MMS22L: variants seen among roughly 807,000 people sequenced by gnomAD.
MMS22L encodes protein MMS22-like.
Under a neutral mutation model 159.1 loss-of-function variants are expected in MMS22L, and 74 were observed. The ratio of observed to expected loss-of-function variants is 0.47; its 90% CI spans 0.39 to 0.56. MMS22L has a LOEUF of 0.56. Ranked by LOEUF, MMS22L falls within the 20% of genes least tolerant of loss-of-function variation. MMS22L has a pLI of 0.00. For missense variants in MMS22L, 1,351 were observed against 1,422.1 expected (o/e 0.95, Z 0.80); for synonymous variants, 517 against 506.9 (o/e 1.02, Z -0.27).
intron 21 of MMS22L, among the ~76,000 whole-genome samples, chr6:97,163,927 G>A (rs1403321688): frequency 6.6e-6 from 1 of 151,948 alleles, no homozygotes. Context: ...ATTTGGAAAC[G>A]GTAAGTGATG....
intron 17 of MMS22L, among the ~76,000 whole-genome samples, chr6:97,178,831 A>G (rs2128268051): frequency 6.6e-6 from 1 of 152,242 alleles, no homozygotes; most frequent in East Asian, 1.9e-4. Context: ...ATTAAAATAA[A>G]TTTGGAGGAT....
intron 9 of MMS22L, chr6:97,259,257 C>T (rs1383940308): frequency 6.6e-6 from 1 of 152,194 alleles, no homozygotes; most frequent in Non-Finnish European, 1.5e-5. Flanking sequence ...TTCTATTGTA[C>T]AACTACAAAT....
chr6:97,153,077 A>C (rs574322390), intron 22 of MMS22L, among the ~76,000 whole-genome samples: 1 of 152,104 alleles, frequency 6.6e-6, no homozygotes, highest in African/African-American at 2.4e-5. Flanking sequence ...CCTAGTCTCA[A>C]GTGATCCTCC....
At chr6:97,213,362 C>T (rs553627947) in intron 14 of MMS22L, among the ~76,000 whole-genome samples, 13 of 152,060 alleles carry the variant, frequency 8.5e-5, no homozygotes, top group African/African-American at 2.4e-4. Context: ...GCCAAGATCA[C>T]GCCATTGTAC....
At chr6:97,175,039 T>G (rs1803981442) in intron 18 of MMS22L, among the ~76,000 whole-genome samples, 1 of 152,196 alleles carries the variant, frequency 6.6e-6, no homozygotes, top group Admixed American at 6.5e-5. Flanking sequence ...TGTTCCCTTT[T>G]GCACACTTAA....
intron 6 of MMS22L, 191 bp downstream of exon 6, chr6:97,272,513 A>G (rs1815849369): frequency 3.8e-6 from 2 of 528,584 alleles, no homozygotes; most frequent in Non-Finnish European, 6.7e-6. Context: ...AGAATTACAC[A>G]GATGTGGAGG....
At chr6:97,191,473 T>C (rs868675020) in intron 14 of MMS22L, among the ~76,000 whole-genome samples, 18 of 150,228 alleles carry the variant, frequency 1.2e-4, no homozygotes, top group Admixed American at 8.6e-4. Flanking sequence ...AATTGTCTAT[T>C]GATGGACTTT....
intron 18 of MMS22L, among the ~76,000 whole-genome samples, chr6:97,174,114 G>A (rs1803860131): frequency 6.6e-6 from 1 of 151,868 alleles, no homozygotes; most frequent in Non-Finnish European, 1.5e-5. Context: ...TTAGCTGGGT[G>A]TGGTGGCGTG....
intron 14 of MMS22L, among the ~76,000 whole-genome samples, chr6:97,193,839 C>A (rs932442274): frequency 1.3e-5 from 2 of 152,340 alleles, no homozygotes; most frequent in Non-Finnish European, 2.9e-5. Context: ...CGGCTCACTG[C>A]AAGCTCCGCC....
intron 14 of MMS22L, among the ~76,000 whole-genome samples, chr6:97,215,300 G>C (rs1313489406): frequency 6.6e-6 from 1 of 151,976 alleles, no homozygotes; most frequent in Non-Finnish European, 1.5e-5. Context: ...GTTAGCTGCT[G>C]ACTTCATTCT....
At chr6:97,201,167 T>C (rs927263648) in intron 14 of MMS22L, among the ~76,000 whole-genome samples, 4 of 152,138 alleles carry the variant, frequency 2.6e-5, no homozygotes, top group African/African-American at 7.2e-5. Context: ...GTGTAAAAGA[T>C]TGTGAAAGGT....
At chr6:97,217,671 C>T (rs1323652730) in intron 14 of MMS22L, among the ~76,000 whole-genome samples, 2 of 152,130 alleles carry the variant, frequency 1.3e-5, no homozygotes, top group Admixed American at 1.3e-4. Context: ...TAATCAGGGG[C>T]ATAGCAAATA....
At chr6:97,270,304 T>C (rs1431029710) in intron 6 of MMS22L, 1 of 497,590 alleles carries the variant, frequency 2.0e-6, no homozygotes, top group African/African-American at 1.9e-5. Context: ...GTAAAAGAAT[T>C]TTTTAACACG....
intron 9 of MMS22L, among the ~76,000 whole-genome samples, chr6:97,256,936 G>A (rs1335158191): frequency 6.6e-6 from 1 of 152,116 alleles, no homozygotes. Context: ...GACACAGTGA[G>A]ACCTTCTCTC....
Position 97,269,111 on chromosome 6 carries a change from T to C in MMS22L, c.697+791A>G, listed in dbSNP as rs547345507. Among the ~76,000 whole-genome samples the C allele has an allele frequency of 9.9e-5, 15 of 151,878 alleles. No homozygotes were observed. The East Asian group carries it at 1.2e-3, about 12-fold the overall frequency. On this transcript the variant is annotated intron_variant, in intron 7 of 24. Transcript: ENST00000683635. The stretch of plus-strand genomic sequence containing the variant: ...ACTCCTACTAAAAAAAGAGGAAAAT[T>C]TGCAAAATACAATGAGTAATTAATA...
At chr6:97,221,827 T>A (rs190270192) in intron 14 of MMS22L, among the ~76,000 whole-genome samples, 1 of 152,010 alleles carries the variant, frequency 6.6e-6, no homozygotes, top group Non-Finnish European at 1.5e-5. Flanking sequence ...TAAAATTATA[T>A]ATAATGAAAG....
rs772643311 is a variant in MMS22L, at chr6:97,186,480, T to A, written c.2233+17A>T. On this transcript the variant is annotated intron_variant, in intron 15 of 24. Coordinates refer to ENST00000683635, the MANE Select transcript of MMS22L (RefSeq NM_001350599.2). ...TCTGCAAAAAGAGAAATTAGCAAAT[T>A]AATAATTAATGCTGACCTGCAGCTG... The A allele has an allele frequency of 1.3e-6, 2 of 1,597,472 alleles. No homozygotes were observed. Among genetic ancestry groups the A allele is most frequent in the Non-Finnish European group, 1.7e-6 (2 of 1,173,182 alleles).
At chr6:97,273,775 C>T (rs1167751769) in intron 4 of MMS22L, among the ~76,000 whole-genome samples, 1 of 152,150 alleles carries the variant, frequency 6.6e-6, no homozygotes, top group African/African-American at 2.4e-5. Flanking sequence ...ACCAAATATA[C>T]ATTGAAACTA....
intron 6 of MMS22L, chr6:97,270,263 C>T (rs1815585928): frequency 1.8e-6 from 1 of 563,078 alleles, no homozygotes; most frequent in South Asian, 1.5e-5. Context: ...ACCTTCCAAC[C>T]AACCTCTGAT....
Sources: gnomAD v4.1 joint callset for allele counts (sites outside exome capture counted in the v4.1 genomes callset) on GRCh38, gnomAD v4.1.1 for gene constraint, MANE v1.5 for transcripts, NCBI Gene and HGNC (gene_info 2026-07-23, HGNC 2026-07-21) for gene names.